Variants in ASB18 observed in about 807,000 individuals in gnomAD.
ASB18 encodes the protein ankyrin repeat and SOCS box protein 18.
In ASB18, 33 loss-of-function variants were observed where a neutral mutation model predicts 33.4. That is an observed-to-expected ratio of 0.99 (90% confidence interval 0.75 to 1.32). ASB18 has a LOEUF of 1.32. Among genes scored for constraint, ASB18 ranks in the 40% most tolerant of loss-of-function variants. ASB18 has a pLI of 0.00. For synonymous variants in ASB18, 295 were observed against 307.6 expected, an observed-to-expected ratio of 0.96 and a Z score of 0.43; for missense variants, 694 against 655.5, an observed-to-expected ratio of 1.06 and a Z score of -0.64.
intron 4 of ASB18, among the ~76,000 whole-genome samples, chr2:236,198,464 T>C (rs1197358274): frequency 1.3e-5 from 2 of 152,078 alleles, no homozygotes; most frequent in African/African-American, 4.8e-5. Context: ...TGCCTCCCAG[T>C]TCAAGCTATT....
rs1242318861 is a variant in ASB18 at position 236,237,956 on chromosome 2, C to G, written c.329G>C (p.Gly110Ala). 4 of 1,495,342 alleles carry G rather than the reference C, an allele frequency of 2.7e-6. No individual in the cohort carries two copies. Among genetic ancestry groups the G allele is most frequent in the Non-Finnish European group, 3.5e-6 (4 of 1,129,354 alleles). The allele number at this position is 1,495,342 out of a possible 1,614,324, so 92.6% of individuals were successfully genotyped here. A position where few individuals can be genotyped will look rare whatever the true frequency, so the allele number is the denominator to read the frequency against. The change falls in exon 3 of 6, where the codon GGC becomes GCC. Residue 110 changes from glycine (G) to alanine (A), a missense_variant and splice_region_variant. Physicochemically the swap from Gly to Ala is moderately conservative, Grantham distance 60. Coordinates refer to ENST00000409749, the MANE Select transcript of ASB18 (RefSeq NM_212556.4). The surrounding 1 kb of genome is among the most constrained non-coding windows in gnomAD (Gnocchi z 6.2). The stretch of plus-strand genomic sequence containing the variant: ...ACGCTTGTACTCCAGGGTCCAGAGG[C>G]CTGCGGGGAGGGAGGTGGGATGTAA... ...VKSPATFGLSGLWTLEYKREL... is the reference protein window; with the variant it reads ...VKSPATFGLSALWTLEYKREL...
intron 3 of ASB18, among the ~76,000 whole-genome samples, chr2:236,236,695 C>T (rs2106277981): frequency 1.3e-5 from 2 of 152,188 alleles, no homozygotes; most frequent in East Asian, 3.9e-4. Context: ...CCCAGCAGTC[C>T]CGCCTGCCTG....
rs1049439451 is a variant in ASB18, at chr2:236,217,575, G to A, written c.597-2709C>T. ...ACATTCCATTAATTAACATCTTTCA[G>A]CTTTTCTTTATATTGCCGCTGCTTT... On this transcript the variant is annotated intron_variant, in intron 3 of 5. Transcript: ENST00000409749. This position sits in a 1 kb window ranked among gnomAD's most constrained non-coding sequence, Gnocchi z 5.2. Among the ~76,000 whole-genome samples, 5 of 152,060 alleles carry A rather than the reference G, an allele frequency of 3.3e-5. No homozygotes were observed. Among genetic ancestry groups the A allele is most frequent in the Non-Finnish European group, 7.4e-5 (5 of 68,026 alleles).
chr2:236,237,473 A>C lies in ASB18; in HGVS notation c.596+216T>G, dbSNP rs2106278573. Among the ~76,000 whole-genome samples, 1 of 149,012 alleles carries C rather than the reference A, an allele frequency of 6.7e-6. No individual in the cohort carries two copies. Among genetic ancestry groups the C allele is most frequent in the African/African-American group, 2.4e-5 (1 of 40,970 alleles). ...GGTGCCAGGTCTGGGGTCCCGGGTC[A>C]GGGATCTTGGATCTGGGTCCCGAGG... On this transcript the variant is annotated intron_variant, in intron 3 of 5. Transcript: ENST00000409749. The surrounding 1 kb of genome is among the most constrained non-coding windows in gnomAD (Gnocchi z 6.2).
rs10174783 is a variant in ASB18 at position 236,194,219 on chromosome 2, G to A, written c.*653C>T. On this transcript the variant is annotated 3_prime_UTR_variant, in exon 6 of 6. Transcript: ENST00000409749. The surrounding 1 kb of genome is among the most constrained non-coding windows in gnomAD (Gnocchi z 4.5). ...ATTGGTGACTGTTCTGAACTTCGTGGTGGTAGGAGGTGCTCCTGACAAGGT... is the reference window on the plus strand; with the variant it reads ...ATTGGTGACTGTTCTGAACTTCGTGATGGTAGGAGGTGCTCCTGACAAGGT... Among the ~76,000 whole-genome samples, 20,538 of 152,180 alleles carry A rather than the reference G, an allele frequency of 0.13. 1,555 individuals carry two copies. Among genetic ancestry groups the A allele is most frequent in the Middle Eastern group, 0.22 (66 of 294 alleles).
rs1222692743 is a variant in ASB18, at chr2:236,264,359, C to T, written c.-14G>A. On this transcript the variant is annotated 5_prime_UTR_variant, in exon 1 of 6. Transcript: ENST00000409749. This position sits in a 1 kb window ranked among gnomAD's most constrained non-coding sequence, Gnocchi z 5.1. ...CGAGTTGGACATTGTTACGTCGTTTCTGCAGTGACCAGCCCTTCTTTTCTT... is the reference window on the plus strand; with the variant it reads ...CGAGTTGGACATTGTTACGTCGTTTTTGCAGTGACCAGCCCTTCTTTTCTT... 1 of 1,611,450 alleles carries T rather than the reference C, an allele frequency of 6.2e-7. No individual in the cohort carries two copies. The highest frequency in any genetic ancestry group is 8.5e-7 in the Non-Finnish European group (1 of 1,177,574).
intron 3 of ASB18, among the ~76,000 whole-genome samples, chr2:236,232,330 T>G (rs1164808914): frequency 6.6e-6 from 1 of 151,740 alleles, no homozygotes; most frequent in Non-Finnish European, 1.5e-5. Context: ...TTAAAATTTG[T>G]GGGATTCAGC....
At position 236,226,513 on chromosome 2, in the gene ASB18, G is replaced by A. The variant is rs1056223811; in HGVS notation, c.596+11176C>T. Reference sequence around the variant, plus strand: ...ACTTTAATAAAAAGACATTTAAAAAGTCCTTATTAAACAATGGCCTGGGCC... The same window carrying A: ...ACTTTAATAAAAAGACATTTAAAAAATCCTTATTAAACAATGGCCTGGGCC... On this transcript the variant is annotated intron_variant, in intron 3 of 5. Transcript: ENST00000409749. This position sits in a 1 kb window ranked among gnomAD's most constrained non-coding sequence, Gnocchi z 4.8. 5.9e-5 allele frequency among the ~76,000 whole-genome samples: 9 copies of A among 152,190 alleles called. No homozygotes were observed. The highest frequency in any genetic ancestry group is 1.2e-4 in the Non-Finnish European group (8 of 68,032).
intron 1 of ASB18, among the ~76,000 whole-genome samples, chr2:236,258,903 A>G (rs1451367290): frequency 6.6e-6 from 1 of 152,256 alleles, no homozygotes; most frequent in Non-Finnish European, 1.5e-5. Flanking sequence ...TTCAAGTAGC[A>G]TCTTGACTTG....
rs996159264 is a variant in ASB18, at chr2:236,250,323, A to C, written c.206-8921T>G. Reference sequence around the variant, plus strand: ...TCCATGCCTTCAAGCCAAGAGGTAGAATTTTTGAGGCTGCAGGACACCCTG... The same window carrying C: ...TCCATGCCTTCAAGCCAAGAGGTAGCATTTTTGAGGCTGCAGGACACCCTG... On this transcript the variant is annotated intron_variant, in intron 1 of 5. Coordinates refer to ENST00000409749, the MANE Select transcript of ASB18 (RefSeq NM_212556.4). This position sits in a 1 kb window ranked among gnomAD's most constrained non-coding sequence, Gnocchi z 4.1. 6.6e-6 allele frequency: 1 copy of C among 152,208 alleles called. No homozygotes were observed. The highest frequency in any genetic ancestry group is 2.4e-5 in the African/African-American group (1 of 41,456). 9.4% of individuals were successfully genotyped at this position (152,208 alleles called of 1,614,324 possible).
rs185858907 is a variant in ASB18, at chr2:236,241,184, C to T, written c.328+96G>A. On this transcript the variant is annotated intron_variant, in intron 2 of 5. Transcript: ENST00000409749. This position sits in a 1 kb window ranked among gnomAD's most constrained non-coding sequence, Gnocchi z 4.2. ...TTTCTTGTGTACGTTAAACCCAGTG[C>T]CACTGTGCCCAGTCTACACACGGGA... The T allele has an allele frequency of 1.7e-4, 215 of 1,240,358 alleles. 2 individuals carry two copies. The African/African-American group carries it at 2.5e-3, about 15-fold the overall frequency. The allele number at this position is 1,240,358 out of a possible 1,614,324, so 76.8% of individuals were successfully genotyped here.
intron 3 of ASB18, among the ~76,000 whole-genome samples, chr2:236,230,334 C>T (rs900649225): frequency 6.7e-6 from 1 of 150,338 alleles, no homozygotes; most frequent in African/African-American, 2.4e-5. Context: ...TACCATTAGA[C>T]ATACAGTGCA....
chr2:236,264,248 C>T lies in ASB18; in HGVS notation c.98G>A (p.Arg33Lys), dbSNP rs370407156. 10 of 1,613,878 alleles carry T rather than the reference C, an allele frequency of 6.2e-6. No individual in the cohort carries two copies. Among genetic ancestry groups the T allele is most frequent in the African/African-American group, 5.3e-5 (4 of 74,924 alleles). Residue 33 changes from arginine to lysine, a missense_variant, in exon 1 of 6, where the codon AGG becomes AAG. Transcript: ENST00000409749. The surrounding 1 kb of genome is among the most constrained non-coding windows in gnomAD (Gnocchi z 5.1). ...ALDAKDEERVRDLICTEITPV... is the reference protein window; with the variant it reads ...ALDAKDEERVKDLICTEITPV... ...CGTGATTTCAGTGCAGATTAAATCC[C>T]TCACTCTCTCCTCATCTTTGGCATC...
rs1474552993 is a variant in ASB18, at chr2:236,214,454, C to A, written c.1009G>T (p.Ala337Ser). ...GGTGAGGCCTGGAGAGCGCAGGATG[C>A]GGTCTGGAGCACGCGGCCCAGCGGC... is the stretch of plus-strand genomic sequence containing the variant. ...ASPLGRVLQT[A>S]SCALQASPQR... The change falls in exon 4 of 6, where the codon GCA becomes TCA. Residue 337 changes from alanine (A) to serine (S), a missense_variant. By Grantham distance (99) the Ala-to-Ser change is moderately conservative. Transcript: ENST00000409749. The surrounding 1 kb of genome is among the most constrained non-coding windows in gnomAD (Gnocchi z 6.5). The A allele has an allele frequency of 1.3e-6, 2 of 1,532,186 alleles. No individual in the cohort carries two copies. The highest frequency in any genetic ancestry group is 8.7e-7 in the Non-Finnish European group (1 of 1,146,208). 94.9% of individuals were successfully genotyped at this position (1,532,186 alleles called of 1,614,324 possible). A position where few individuals can be genotyped will look rare whatever the true frequency, so the allele number is the denominator to read the frequency against.
rs2060695411 is a variant in ASB18, at chr2:236,256,946, G to A, written c.205+7195C>T. Among the ~76,000 whole-genome samples the A allele has an allele frequency of 6.6e-6, 1 of 152,136 alleles. No homozygotes were observed. The highest frequency in any genetic ancestry group is 2.1e-4 in the South Asian group (1 of 4,812). On this transcript the variant is annotated intron_variant, in intron 1 of 5. Transcript: ENST00000409749. The surrounding 1 kb of genome is among the most constrained non-coding windows in gnomAD (Gnocchi z 4.7). The stretch of plus-strand genomic sequence containing the variant: ...GCAAAGAAACATTTTAATTCTAGGT[G>A]GTGGGAGATATTTTTCTGTATTTAA...
intron 3 of ASB18, among the ~76,000 whole-genome samples, chr2:236,232,538 G>T (rs2060570769): frequency 6.6e-6 from 1 of 151,884 alleles, no homozygotes; most frequent in Non-Finnish European, 1.5e-5. Flanking sequence ...GAAAAACAAT[G>T]AAACCAAAAG....
Position 236,256,764 on chromosome 2 carries a change from G to A in ASB18, c.205+7377C>T, listed in dbSNP as rs1183029956. 1.3e-5 allele frequency among the ~76,000 whole-genome samples: 2 copies of A among 152,138 alleles called. No individual in the cohort carries two copies. Among genetic ancestry groups the A allele is most frequent in the African/African-American group, 4.8e-5 (2 of 41,408 alleles). On this transcript the variant is annotated intron_variant, in intron 1 of 5. Transcript: ENST00000409749. The surrounding 1 kb of genome is among the most constrained non-coding windows in gnomAD (Gnocchi z 4.7). ...ACAGGCAGTGACAGTTCATACTTGG[G>A]GGGAGCTGAGACGCGACCCTGTAGG...
chr2:236,224,189 T>G (rs923113651), intron 3 of ASB18, among the ~76,000 whole-genome samples: 10 of 144,340 alleles, frequency 6.9e-5, no homozygotes, highest in Admixed American at 2.1e-4. Context: ...TGTCAGGTTT[T>G]TTTTTTTTTT....
At position 236,256,447 on chromosome 2, in the gene ASB18, G is replaced by A. The variant is rs901755952; in HGVS notation, c.205+7694C>T. 5.9e-5 allele frequency among the ~76,000 whole-genome samples: 9 copies of A among 152,312 alleles called. No homozygotes were observed. Among genetic ancestry groups the A allele is most frequent in the Non-Finnish European group, 1.0e-4 (7 of 68,034 alleles). ...AAGATAGTGGGGCATTGGATGGGAA[G>A]CTAGAATCAGGCTACAGAGAGCATG... On this transcript the variant is annotated intron_variant, in intron 1 of 5. Coordinates refer to ENST00000409749, the MANE Select transcript of ASB18 (RefSeq NM_212556.4). The surrounding 1 kb of genome is among the most constrained non-coding windows in gnomAD (Gnocchi z 4.7).
Sources: gnomAD v4.1 joint callset for allele counts (sites outside exome capture counted in the v4.1 genomes callset) on GRCh38, gnomAD v4.1.1 for gene constraint, Gnocchi (gnomAD v3.1) non-coding constraint, MANE v1.5 for transcripts, NCBI Gene and HGNC (gene_info 2026-07-23, HGNC 2026-07-21) for gene names.